Variants in ZNF540 observed in about 807,000 individuals in gnomAD.
ZNF540 encodes the protein CTD-3064H18.6.
ZNF540 carries 3 observed loss-of-function variants against 11.8 expected under a neutral mutation model. That is an observed-to-expected ratio of 0.25 (90% CI 0.12 to 0.65). The LOEUF is 0.65. ZNF540 is among the 30% of genes least tolerant of loss of function. The pLI, the probability that ZNF540 is intolerant of heterozygous loss-of-function variation, is 0.83. For synonymous variants in ZNF540, 247 were observed against 259.0 expected (o/e 0.95, Z 0.45); for missense variants, 709 against 793.1 (o/e 0.89, Z 1.27).
At chr19:37,595,917 A>G (rs1178675026) in intron 1 of ZNF540, among the ~76,000 whole-genome samples, 3 of 152,334 alleles carry the variant, frequency 2.0e-5, no homozygotes, top group Admixed American at 1.3e-4. Flanking sequence ...TTTGCCTTCA[A>G]GATTTGAAGG....
intron 2 of ZNF540, 145 bp from the exon 3 acceptor site, chr19:37,599,481 C>A: frequency 1.1e-6 from 1 of 929,686 alleles, no homozygotes; most frequent in Non-Finnish European, 1.5e-6. Context: ...TGGTTCCTTT[C>A]TTCTATCTTT....
chr19:37,605,418 G>T (rs1018675786), intron 4 of ZNF540, among the ~76,000 whole-genome samples: 1 of 152,228 alleles, frequency 6.6e-6, no homozygotes, highest in African/African-American at 2.4e-5. Flanking sequence ...GGGAGGCCGA[G>T]GTGGGTGGAT....
chr19:37,565,155 C>A (rs371806056), intron 1 of ZNF540: 2 of 1,613,400 alleles, frequency 1.2e-6, no homozygotes, highest in African/African-American at 2.7e-5. Context: ...AAGGCCTTTC[C>A]ACATTCCTTA....
intron 4 of ZNF540, among the ~76,000 whole-genome samples, chr19:37,604,882 A>G (rs1245449849): frequency 6.6e-6 from 1 of 152,232 alleles, no homozygotes. Flanking sequence ...CATATCAAAT[A>G]AATCAGAATA....
chr19:37,593,535 C>T (rs955161508), upstream of ZNF540, among the ~76,000 whole-genome samples: 6 of 152,046 alleles, frequency 3.9e-5, no homozygotes, highest in Non-Finnish European at 8.8e-5. Flanking sequence ...AACCTCGTCT[C>T]TACTAAAAAC....
chr19:37,570,947 TGTGGTGTA>T (rs1386169298), intron 1 of ZNF540, among the ~76,000 whole-genome samples: 1 of 152,220 alleles, frequency 6.6e-6, no homozygotes, highest in East Asian at 1.9e-4. Flanking sequence ...ATTAATAGGC[TGTGGTGTA>T]ATACAAATTA....
intron 1 of ZNF540, chr19:37,584,274 C>G (rs1330029427): frequency 1.4e-6 from 1 of 717,694 alleles, no homozygotes; most frequent in Non-Finnish European, 2.2e-6. Flanking sequence ...GATAAAACTT[C>G]CTCTGTACAA....
At chr19:37,573,579 G>C (rs533973509) in intron 1 of ZNF540, among the ~76,000 whole-genome samples, 76 of 151,412 alleles carry the variant, frequency 5.0e-4, no homozygotes, top group African/African-American at 1.8e-3. Flanking sequence ...GTAATGCTAG[G>C]ACTTTGGGAG....
At chr19:37,559,828 CAAATT>C (rs1021615238) in intron 1 of ZNF540, among the ~76,000 whole-genome samples, 17 of 152,220 alleles carry the variant, frequency 1.1e-4, no homozygotes, top group South Asian at 2.1e-4. Context: ...AAAGTTAAAA[CAAATT>C]AAAGTGACAG....
chr19:37,565,848 G>T (rs780547605), intron 1 of ZNF540: 38 of 1,613,752 alleles, frequency 2.4e-5, no homozygotes, highest in African/African-American at 4.0e-5. Context: ...CACTCATAAG[G>T]TTTCTCACCA....
intron 1 of ZNF540, among the ~76,000 whole-genome samples, chr19:37,577,213 C>T (rs1433594288): frequency 2.0e-5 from 3 of 152,098 alleles, no homozygotes; most frequent in Non-Finnish European, 2.9e-5. Flanking sequence ...TCACCCTCCT[C>T]AAATATTTCA....
intron 1 of ZNF540, chr19:37,586,529 A>G (rs2040913832): frequency 1.1e-6 from 1 of 896,332 alleles, no homozygotes; most frequent in Non-Finnish European, 1.8e-6. Context: ...CTTTGCTACT[A>G]TTACTCGCTA....
At chr19:37,557,752 T>A (rs1026911881) in intron 1 of ZNF540, among the ~76,000 whole-genome samples, 3 of 152,208 alleles carry the variant, frequency 2.0e-5, no homozygotes, top group Non-Finnish European at 4.4e-5. Context: ...AACTCTGATA[T>A]TGCAAGATGC....
At chr19:37,586,551 G>A (rs972290409) in intron 1 of ZNF540, 1 of 1,172,616 alleles carries the variant, frequency 8.5e-7, no homozygotes, top group Non-Finnish European at 1.3e-6. Flanking sequence ...AATGGGAGAC[G>A]TTTGGAAGCA....
Position 37,581,474 on chromosome 19 carries a change from T to C in ZNF540, c.-72-16902T>C, listed in dbSNP as rs551366887. 4.2e-4 allele frequency among the ~76,000 whole-genome samples: 64 copies of C among 151,288 alleles called. 1 individual carries two copies. Among genetic ancestry groups the C allele is most frequent in the Non-Finnish European group, 7.7e-4 (52 of 67,760 alleles). On this transcript the variant is annotated intron_variant, in intron 1 of 4. Coordinates refer to the ZNF540 transcript ENST00000592533. Reference sequence around the variant, plus strand: ...CATTTCTTTCTTTCTTTCTTTTTTTTTTTTTTTTGGAGACATGGTCTTGCT... The same window carrying C: ...CATTTCTTTCTTTCTTTCTTTTTTTCTTTTTTTTGGAGACATGGTCTTGCT...
At chr19:37,591,480 A>G (rs2043866033), upstream of ZNF540, among the ~76,000 whole-genome samples, 1 of 152,220 alleles carries the variant, frequency 6.6e-6, no homozygotes, top group African/African-American at 2.4e-5. Flanking sequence ...TAGGGCACCA[A>G]CTCATTTCTC....
chr19:37,582,195 C>T (rs1263776190), intron 1 of ZNF540, among the ~76,000 whole-genome samples: 1 of 152,170 alleles, frequency 6.6e-6, no homozygotes, highest in Non-Finnish European at 1.5e-5. Flanking sequence ...CTTTCTCACT[C>T]TCTTTTAAAT....
intron 1 of ZNF540, among the ~76,000 whole-genome samples, chr19:37,571,681 T>C (rs1027602358): frequency 3.9e-5 from 6 of 152,184 alleles, no homozygotes; most frequent in Non-Finnish European, 7.3e-5. Context: ...CTACTTACAA[T>C]ATTTTTGACA....
chr19:37,590,516 T>A (rs2147213356), upstream of ZNF540, among the ~76,000 whole-genome samples: 1 of 152,306 alleles, frequency 6.6e-6, no homozygotes, highest in Non-Finnish European at 1.5e-5. Context: ...ACATCTCTGC[T>A]ACATTTCATT....
Sources: gnomAD v4.1 joint callset for allele counts (sites outside exome capture counted in the v4.1 genomes callset) on GRCh38, gnomAD v4.1.1 for gene constraint, MANE v1.5 for transcripts, NCBI Gene and HGNC (gene_info 2026-07-23, HGNC 2026-07-21) for gene names.